The following KIRREL3 variants were observed in gnomAD, a reference collection of about 807,000 sequenced individuals.
KIRREL3 encodes the protein kirre like nephrin family adhesion molecule 3.
Under a neutral mutation model 89.7 loss-of-function variants are expected in KIRREL3, and 36 were observed. The ratio of observed to expected loss-of-function variants is 0.40; its 90% CI spans 0.31 to 0.53. The LOEUF is 0.53. Among genes scored for constraint, KIRREL3 ranks in the 20% least tolerant of loss-of-function variants. The pLI is 0.49. For synonymous variants in KIRREL3, 445 were observed against 441.4 expected (o/e 1.01, Z -0.10); for missense variants, 864 against 1,056.6 (o/e 0.82, Z 2.53).
rs1949186636 is a variant in KIRREL3, at chr11:126,747,336, AT to A, written c.56-184425del. 6.6e-6 allele frequency among the ~76,000 whole-genome samples: 1 copy of A among 152,238 alleles called. No individual in the cohort carries two copies. The highest frequency in any genetic ancestry group is 2.4e-5 in the African/African-American group (1 of 41,460). ...CTGGGGATAGAGCTCTTTGCTCATT[AT>A]CTAGCGTAGCGTAAGTCCTCCATAC... On this transcript the variant is annotated intron_variant, in intron 1 of 16. Transcript: ENST00000525144. This position sits in a 1 kb window ranked among gnomAD's most constrained non-coding sequence, Gnocchi z 4.7.
chr11:126,762,497 A>G (rs1488570574), intron 1 of KIRREL3, among the ~76,000 whole-genome samples: 1 of 152,190 alleles, frequency 6.6e-6, no homozygotes, highest in African/African-American at 2.4e-5. Flanking sequence ...CCTTGCCGCT[A>G]TGTGATCAAG....
chr11:126,743,901 A>AGCAT (rs1193882270), intron 1 of KIRREL3, among the ~76,000 whole-genome samples: 3 of 152,224 alleles, frequency 2.0e-5, no homozygotes, highest in African/African-American at 4.8e-5. Flanking sequence ...TGAGACCCAC[A>AGCAT]GCATGCATGC....
At position 126,683,998 on chromosome 11, in the gene KIRREL3, C is replaced by A. The variant is rs538202927; in HGVS notation, c.56-121086G>T. On this transcript the variant is annotated intron_variant, in intron 1 of 16. Coordinates refer to ENST00000525144, the MANE Select transcript of KIRREL3 (RefSeq NM_032531.4). The surrounding 1 kb of genome is among the most constrained non-coding windows in gnomAD (Gnocchi z 5.2). ...GGACCCAGGGCCCAGGGTTTGGCTC[C>A]GGGTTTTTGGGCAGCTCCGCCTTCA... Among the ~76,000 whole-genome samples the A allele has an allele frequency of 7.6e-4, 116 of 152,308 alleles. No individual in the cohort carries two copies. Among genetic ancestry groups the A allele is most frequent in the African/African-American group, 2.5e-3 (103 of 41,590 alleles).
Position 126,666,619 on chromosome 11 carries a change from T to C in KIRREL3, c.56-103707A>G, listed in dbSNP as rs894325865. ...AACAATATCAATGATTTGTGCTGCC[T>C]GCTTGTCGAGTCTGTTTACCAACTT... On this transcript the variant is annotated intron_variant, in intron 1 of 16. Transcript: ENST00000525144. This position sits in a 1 kb window ranked among gnomAD's most constrained non-coding sequence, Gnocchi z 4.2. Among the ~76,000 whole-genome samples, 3 of 152,220 alleles carry C rather than the reference T, an allele frequency of 2.0e-5. No individual in the cohort carries two copies. Among genetic ancestry groups the C allele is most frequent in the African/African-American group, 7.2e-5 (3 of 41,466 alleles).
intron 1 of KIRREL3, among the ~76,000 whole-genome samples, chr11:126,864,669 C>T (rs1944860629): frequency 2.0e-5 from 3 of 152,210 alleles, no homozygotes. Context: ...GCACTATGTG[C>T]TTCACATGTA....
chr11:126,663,000 C>A lies in KIRREL3; in HGVS notation c.56-100088G>T, dbSNP rs77927285. ...GCCAGGAATCCATACTCCCTGTTCA[C>A]TGTCCCTTCTGGCAGAAATACTATG... On this transcript the variant is annotated intron_variant, in intron 1 of 16. Transcript: ENST00000525144. Among the ~76,000 whole-genome samples, 354 of 138,304 alleles carry A rather than the reference C, an allele frequency of 2.6e-3. 4 individuals are homozygous for A. Among genetic ancestry groups the A allele is most frequent in the African/African-American group, 9.0e-3 (335 of 37,406 alleles). 90.7% of individuals were successfully genotyped at this position (138,304 alleles called of 152,430 possible). A position where few individuals can be genotyped will look rare whatever the true frequency, so the allele number is the denominator to read the frequency against.
Position 126,817,030 on chromosome 11 carries a change from A to G in KIRREL3, c.55+183425T>C, listed in dbSNP as rs1246788921. On this transcript the variant is annotated intron_variant, in intron 1 of 16. Coordinates refer to ENST00000525144, the MANE Select transcript of KIRREL3 (RefSeq NM_032531.4). The surrounding 1 kb of genome is among the most constrained non-coding windows in gnomAD (Gnocchi z 5.7). ...GGGAAGGAAGAACCTGTTGCATTAA[A>G]AATAGAGCTAAGGTAAAGAGCATGT... Among the ~76,000 whole-genome samples the G allele has an allele frequency of 6.6e-6, 1 of 152,222 alleles. No individual in the cohort carries two copies. The highest frequency in any genetic ancestry group is 1.5e-5 in the Non-Finnish European group (1 of 68,036).
intron 1 of KIRREL3, among the ~76,000 whole-genome samples, chr11:126,947,988 A>T (rs1762752651): frequency 6.6e-6 from 1 of 152,106 alleles, no homozygotes; most frequent in South Asian, 2.1e-4. Context: ...CTTAGGCGTT[A>T]ACTCAGATAT....
chr11:126,811,017 C>A lies in KIRREL3; in HGVS notation c.55+189438G>T, dbSNP rs1951367900. 6.6e-6 allele frequency among the ~76,000 whole-genome samples: 1 copy of A among 152,180 alleles called. No homozygotes were observed. Among genetic ancestry groups the A allele is most frequent in the African/African-American group, 2.4e-5 (1 of 41,448 alleles). The stretch of plus-strand genomic sequence containing the variant: ...TTGCAGCCGGTCTGACAAACCCCAT[C>A]TGCTTCGTTCTCTTGGCCACCCAAG... On this transcript the variant is annotated intron_variant, in intron 1 of 16. Transcript: ENST00000525144. This position sits in a 1 kb window ranked among gnomAD's most constrained non-coding sequence, Gnocchi z 4.3.
intron 1 of KIRREL3, among the ~76,000 whole-genome samples, chr11:126,930,334 C>G (rs1947897659): frequency 6.6e-6 from 1 of 152,154 alleles, no homozygotes; most frequent in African/African-American, 2.4e-5. Context: ...AGAAAGCCCT[C>G]TCTCCCACCA....
intron 1 of KIRREL3, among the ~76,000 whole-genome samples, chr11:126,964,157 A>G (rs1039532707): frequency 6.6e-6 from 1 of 152,222 alleles, no homozygotes; most frequent in Admixed American, 6.5e-5. Flanking sequence ...CTTAATAAAT[A>G]TTCAATGAAC....
At chr11:126,707,227 T>A (rs1256349997) in intron 1 of KIRREL3, among the ~76,000 whole-genome samples, 1 of 146,656 alleles carries the variant, frequency 6.8e-6, no homozygotes, top group African/African-American at 2.5e-5. Flanking sequence ...ATTGCAGACA[T>A]AAGACACCTT....
intron 1 of KIRREL3, among the ~76,000 whole-genome samples, chr11:126,631,445 G>A (rs1229174085): frequency 1.3e-5 from 2 of 152,138 alleles, no homozygotes; most frequent in South Asian, 2.1e-4. Context: ...ATGCAGAATC[G>A]GAAGATTCTG....
At chr11:126,959,336 C>A (rs1369998905) in intron 1 of KIRREL3, among the ~76,000 whole-genome samples, 2 of 151,860 alleles carry the variant, frequency 1.3e-5, no homozygotes, top group African/African-American at 4.9e-5. Context: ...TAAAGACACA[C>A]ATGTGCACGT....
In KIRREL3 at chr11:126,991,540, A is replaced by G. The variant is rs1168428156; in HGVS notation, c.55+8915T>C. Among the ~76,000 whole-genome samples the G allele has an allele frequency of 6.6e-6, 1 of 152,172 alleles. No homozygotes were observed. The highest frequency in any genetic ancestry group is 1.5e-5 in the Non-Finnish European group (1 of 68,036). On this transcript the variant is annotated intron_variant, in intron 1 of 16. Coordinates refer to ENST00000525144, the MANE Select transcript of KIRREL3 (RefSeq NM_032531.4). This position sits in a 1 kb window ranked among gnomAD's most constrained non-coding sequence, Gnocchi z 5.8. ...GAGCTACTCAAGCAGTATGTCCTTA[A>G]TTACTCTTCAGCCCCAAAGCCTGGC...
chr11:126,629,382 G>C (rs1025073886), intron 1 of KIRREL3, among the ~76,000 whole-genome samples: 1 of 152,056 alleles, frequency 6.6e-6, no homozygotes, highest in African/African-American at 2.4e-5. Flanking sequence ...GTGAAGCTCT[G>C]GGGGGAGCTC....
chr11:126,479,467 C>T (rs1290217842), intron 4 of KIRREL3, among the ~76,000 whole-genome samples: 1 of 152,242 alleles, frequency 6.6e-6, no homozygotes, highest in Non-Finnish European at 1.5e-5. Flanking sequence ...ATGTGTGCAG[C>T]CTTGGCACCT....
intron 1 of KIRREL3, among the ~76,000 whole-genome samples, chr11:126,823,089 T>A (rs969456617): frequency 1.3e-5 from 2 of 152,082 alleles, no homozygotes; most frequent in Non-Finnish European, 2.9e-5. Flanking sequence ...GAGAAACAGA[T>A]GAGATGTGAG....
intron 1 of KIRREL3, among the ~76,000 whole-genome samples, chr11:126,895,617 C>T (rs1946120602): frequency 6.6e-6 from 1 of 152,080 alleles, no homozygotes. Flanking sequence ...AGGCCAGAAC[C>T]TGAGAGGGAG....
Sources: gnomAD v4.1 joint callset for allele counts (sites outside exome capture counted in the v4.1 genomes callset) on GRCh38, gnomAD v4.1.1 for gene constraint, Gnocchi (gnomAD v3.1) non-coding constraint, MANE v1.5 for transcripts, NCBI Gene and HGNC (gene_info 2026-07-23, HGNC 2026-07-21) for gene names.